SEZ6L2: variants seen among roughly 807,000 people sequenced by gnomAD.
SEZ6L2 encodes the protein seizure 6-like protein 2.
Under a neutral mutation model 97.0 loss-of-function variants are expected in SEZ6L2, and 44 were observed. The observed-to-expected ratio is 0.45, with a 90% CI of 0.36 to 0.58. The LOEUF (loss-of-function observed/expected upper bound fraction) is 0.58, where lower values mean the gene tolerates loss of function less well. Ranked by LOEUF, SEZ6L2 falls within the 20% of genes least tolerant of loss-of-function variation. SEZ6L2 has a pLI of 0.00. For synonymous variants in SEZ6L2, 543 were observed against 546.1 expected, an observed-to-expected ratio of 0.99 and a Z score of 0.08; for missense variants, 1,086 against 1,233.3, an observed-to-expected ratio of 0.88 and a Z score of 1.79.
intron 8 of SEZ6L2, among the ~76,000 whole-genome samples, chr16:29,881,797 T>G (rs1162094379): frequency 6.7e-6 from 1 of 150,360 alleles, no homozygotes; most frequent in East Asian, 2.0e-4. Flanking sequence ...CCGGCTAATT[T>G]TTGTATTTTT....
At chr16:29,881,929 CTTTT>C (rs71143761) in intron 8 of SEZ6L2, among the ~76,000 whole-genome samples, 1 of 110,144 alleles carries the variant, frequency 9.1e-6, no homozygotes, top group South Asian at 2.8e-4. Flanking sequence ...CATACCCGGC[CTTTT>C]TTTTTTTTTT....
In SEZ6L2 at chr16:29,888,668, G is replaced by A. The variant is rs757550622; in HGVS notation, c.911C>T (p.Thr304Met). The A allele has an allele frequency of 1.9e-5, 31 of 1,613,794 alleles. No individual in the cohort carries two copies. Among genetic ancestry groups the A allele is most frequent in the Admixed American group, 1.5e-4 (9 of 59,964 alleles). ...GGCAGTGCCCCCAGGGTGCAGGTCCGTCACACTCACGTCCCCATGGGCCGG... is the reference window on the plus strand; with the variant it reads ...GGCAGTGCCCCCAGGGTGCAGGTCCATCACACTCACGTCCCCATGGGCCGG... Reference protein sequence around the residue: ...PRPAHGDVSVTDLHPGGTATF... With the variant: ...PRPAHGDVSVMDLHPGGTATF... The change falls in exon 6 of 18, where the codon ACG (threonine) becomes ATG (methionine). Residue 304 changes from threonine (T) to methionine (M), a missense_variant. This residue lies in a region of SEZ6L2 where 776 missense variants were observed against 794.7 expected (regional missense o/e 0.98). Coordinates refer to ENST00000617533, the MANE Select transcript of SEZ6L2 (RefSeq NM_001243332.2).
Position 29,879,927 on chromosome 16 carries a change from TG to T in SEZ6L2, c.1509del (p.Asn504MetfsTer69). 6.2e-7 allele frequency: 1 copy of T among 1,613,924 alleles called. No individual in the cohort carries two copies. The highest frequency in any genetic ancestry group is 8.5e-7 in the Non-Finnish European group (1 of 1,179,928). Reference protein sequence around the residue: ...PGYALEPPGPPNAIECVDPTE... With the variant: ...PGYALEPPGPXNAIECVDPTE... ...GTGGGATCCACACATTCGATGGCAT[TG>T]GGGGGCCCAGGGGGCTCCAGGGCAT... On this transcript the variant is annotated frameshift_variant, in exon 9 of 18. Coordinates refer to ENST00000617533, the MANE Select transcript of SEZ6L2 (RefSeq NM_001243332.2). LOFTEE classifies it high-confidence loss of function.
intron 8 of SEZ6L2, among the ~76,000 whole-genome samples, chr16:29,885,206 CA>C (rs1460981585): frequency 1.5e-5 from 2 of 137,338 alleles, no homozygotes; most frequent in African/African-American, 5.5e-5. Flanking sequence ...AGACTCGTCT[CA>C]AAAAATAAAT....
intron 8 of SEZ6L2, 91 bp downstream of exon 8, chr16:29,885,495 A>C (rs2068117749): frequency 7.4e-7 from 1 of 1,345,464 alleles, no homozygotes; most frequent in Admixed American, 1.9e-5. Context: ...GGAGATGAAC[A>C]GGCATAGAGT....
rs765264295 is a variant in SEZ6L2, at chr16:29,896,868, GGTC to G, written c.462_464del (p.Thr156del). On this transcript the variant is annotated inframe_deletion, in exon 3 of 18. Coordinates refer to ENST00000617533, the MANE Select transcript of SEZ6L2 (RefSeq NM_001243332.2). ...TAACAGTTGTCGTGGTGATGATGGT[GGTC>G]GTCGTCTCCTCCTCTCCTCCCTCAG... 9.3e-6 allele frequency: 15 copies of G among 1,613,932 alleles called. No individual in the cohort carries two copies. The highest frequency in any genetic ancestry group is 1.1e-5 in the Non-Finnish European group (13 of 1,179,966).
intron 8 of SEZ6L2, among the ~76,000 whole-genome samples, chr16:29,883,886 C>T (rs190843241): frequency 1.3e-5 from 2 of 151,868 alleles, no homozygotes; most frequent in African/African-American, 4.8e-5. Flanking sequence ...GAACCATGAT[C>T]GGGCCACCGC....
chr16:29,882,755 T>A (rs2068056231), intron 8 of SEZ6L2, among the ~76,000 whole-genome samples: 1 of 152,012 alleles, frequency 6.6e-6, no homozygotes, highest in Admixed American at 6.6e-5. Flanking sequence ...ACCTGGCTAA[T>A]TTTTTGTTTT....
intron 9 of SEZ6L2, 21 bp from the exon 10 acceptor site, chr16:29,878,446 G>C (rs1299152986): frequency 1.3e-6 from 2 of 1,577,330 alleles, no homozygotes; most frequent in Non-Finnish European, 1.7e-6. Flanking sequence ...AGGGGTGTCA[G>C]GTTCAGGACC....
intron 5 of SEZ6L2, among the ~76,000 whole-genome samples, chr16:29,890,282 G>A (rs1005528402): frequency 2.0e-5 from 3 of 152,192 alleles, no homozygotes; most frequent in Admixed American, 2.0e-4. Context: ...TGAGGCGGGC[G>A]GATCACCTGA....
intron 8 of SEZ6L2, among the ~76,000 whole-genome samples, chr16:29,880,644 CAG>C (rs1291899708): frequency 1.3e-5 from 2 of 151,060 alleles, no homozygotes; most frequent in Non-Finnish European, 3.0e-5. Flanking sequence ...TTAGTAGAGA[CAG>C]GGGTTTCACC....
chr16:29,895,899 G>A, intron 3 of SEZ6L2, 39 bp from the exon 4 acceptor site: 3 of 1,570,710 alleles, frequency 1.9e-6, no homozygotes, highest in Non-Finnish European at 2.6e-6. Flanking sequence ...AGGAATGCCT[G>A]TGCTTTTGCC....
chr16:29,895,879 C>A lies in SEZ6L2; in HGVS notation c.512-19G>T. ...CACAGAACTGAGGAGATACAAATGG[C>A]TGGGATGGAAGGAATGCCTGTGCTT... On this transcript the variant is annotated intron_variant, in intron 3 of 17. Transcript: ENST00000617533. The A allele has an allele frequency of 1.3e-6, 2 of 1,585,342 alleles. No homozygotes were observed. Among genetic ancestry groups the A allele is most frequent in the Non-Finnish European group, 1.7e-6 (2 of 1,161,990 alleles).
intron 7 of SEZ6L2, among the ~76,000 whole-genome samples, chr16:29,887,293 A>G (rs1184703031): frequency 6.8e-6 from 1 of 147,478 alleles, no homozygotes; most frequent in Non-Finnish European, 1.5e-5. Context: ...TACTTCCCTG[A>G]GGTGGGGACT....
At chr16:29,890,360 C>T (rs2068245513) in intron 5 of SEZ6L2, among the ~76,000 whole-genome samples, 2 of 152,110 alleles carry the variant, frequency 1.3e-5, no homozygotes, top group South Asian at 4.1e-4. Flanking sequence ...ATAAGAACAA[C>T]CTTCTAGAAC....
At chr16:29,878,133 A>T (rs1177854238) in intron 10 of SEZ6L2, among the ~76,000 whole-genome samples, 154 bp downstream of exon 10, 2 of 152,176 alleles carry the variant, frequency 1.3e-5, no homozygotes, top group Non-Finnish European at 2.9e-5. Flanking sequence ...CAGCTCTCTC[A>T]CGTCTATCCT....
Position 29,895,805 on chromosome 16 carries a change from C to T in SEZ6L2, c.567G>A (p.Leu189=), listed in dbSNP as rs777331471. 7 of 1,614,046 alleles carry T rather than the reference C, an allele frequency of 4.3e-6. No individual in the cohort carries two copies. The Admixed American group carries it at 1.2e-4, about 27-fold the overall frequency. The change falls in exon 4 of 18, where the codon CTG becomes CTA. Residue 189 remains leucine, a synonymous_variant. Coordinates refer to ENST00000617533, the MANE Select transcript of SEZ6L2 (RefSeq NM_001243332.2). ...EGEGYVESPD[L]GSPVSRTLGL... The stretch of plus-strand genomic sequence containing the variant: ...CCAGGGTGCGGCTGACGGGGCTCCC[C>T]AGATCTGGAGACTCCACATACCCTT...
rs1056580226 is a variant in SEZ6L2, at chr16:29,898,129, T to C, written c.80-145A>G. ...TCCCAGGCTCGACTGAGGGCCAAGATCGGAGGAGGGGCTCCCAGCTGCCCT... is the reference window on the plus strand; with the variant it reads ...TCCCAGGCTCGACTGAGGGCCAAGACCGGAGGAGGGGCTCCCAGCTGCCCT... On this transcript the variant is annotated intron_variant, in intron 1 of 17. Coordinates refer to ENST00000617533, the MANE Select transcript of SEZ6L2 (RefSeq NM_001243332.2). The C allele has an allele frequency of 3.3e-6, 4 of 1,196,852 alleles. No homozygotes were observed. The African/African-American group carries it at 6.2e-5, about 19-fold the overall frequency. The allele number at this position is 1,196,852 out of a possible 1,614,324, so 74.1% of individuals were successfully genotyped here.
intron 5 of SEZ6L2, among the ~76,000 whole-genome samples, chr16:29,894,004 G>A (rs190951580): frequency 1.3e-5 from 2 of 152,270 alleles, no homozygotes; most frequent in Admixed American, 1.3e-4. Flanking sequence ...CCAAGTAACT[G>A]GGATTACAGG....
Sources: allele counts gnomAD v4.1 joint callset (sites outside exome capture counted in the v4.1 genomes callset), GRCh38; gene constraint gnomAD v4.1.1; regional missense constraint gnomAD v4.1.1; transcripts MANE v1.5; gene names NCBI Gene and HGNC (gene_info 2026-07-23, HGNC 2026-07-21).